The following DIP2A variants were observed in gnomAD, a reference collection of about 807,000 sequenced individuals.
DIP2A encodes disco-interacting protein 2 homolog A.
DIP2A carries 85 observed loss-of-function variants against 177.4 expected under a neutral mutation model. The observed-to-expected ratio is 0.48, with a 90% CI of 0.40 to 0.57. DIP2A has a LOEUF of 0.57. Among genes scored for constraint, DIP2A ranks in the 20% least tolerant of loss-of-function variants. The pLI, the probability that DIP2A is intolerant of heterozygous loss-of-function variation, is 0.00. For synonymous variants in DIP2A, 886 were observed against 881.8 expected (o/e 1.00, Z -0.08); for missense variants, 1,791 against 2,100.2 (o/e 0.85, Z 2.88).
chr21:46,548,897 G>A (rs1179366342), intron 21 of DIP2A, among the ~76,000 whole-genome samples: 1 of 152,244 alleles, frequency 6.6e-6, no homozygotes, highest in African/African-American at 2.4e-5. Flanking sequence ...CTTCCCCACA[G>A]TGGAACTGGC....
intron 1 of DIP2A, among the ~76,000 whole-genome samples, chr21:46,472,913 T>TG (rs1333725473): frequency 1.3e-5 from 2 of 152,218 alleles, no homozygotes; most frequent in Non-Finnish European, 2.9e-5. Flanking sequence ...GAAAGTTCTG[T>TG]GGTGTCCAGC....
At chr21:46,524,049 T>C (rs2058952287) in intron 8 of DIP2A, among the ~76,000 whole-genome samples, 1 of 152,226 alleles carries the variant, frequency 6.6e-6, no homozygotes, top group African/African-American at 2.4e-5. Flanking sequence ...AAGGGATCTT[T>C]TCCAGCTGTC....
the DIP2A span, among the ~76,000 whole-genome samples, chr21:46,582,777 T>G: frequency 6.6e-6 from 1 of 152,174 alleles, no homozygotes; most frequent in Non-Finnish European, 1.5e-5. Context: ...GCTGGTAATT[T>G]TTTTAACAAC....
intron 3 of DIP2A, among the ~76,000 whole-genome samples, chr21:46,495,576 T>C (rs1321608400): frequency 6.6e-6 from 1 of 152,042 alleles, no homozygotes; most frequent in Admixed American, 6.6e-5. Flanking sequence ...CCTCTCTCTC[T>C]CTTTCTTTTC....
Position 46,538,586 on chromosome 21 carries a change from C to T in DIP2A, c.1905C>T (p.Ala635=), listed in dbSNP as rs372346078. 1.1e-4 allele frequency: 170 copies of T among 1,555,648 alleles called. No homozygotes were observed. In the Middle Eastern group the frequency reaches 2.2e-3, roughly 20 times the overall value. The change falls in exon 16 of 38, where the codon GCC becomes GCT. Residue 635 remains alanine (A), a synonymous_variant. Transcript: ENST00000417564. ...GCTCACTGCGCATGCTGATTGTGGC[C>T]GATGGTGCCAACCCGTGTGAGTGAG... ...SLSSLRMLIV[A]DGANPWSISS...
chr21:46,575,753 A>G, the DIP2A span, among the ~76,000 whole-genome samples: 1 of 152,208 alleles, frequency 6.6e-6, no homozygotes, highest in Non-Finnish European at 1.5e-5. Flanking sequence ...GAACAATACA[A>G]AGAAATAAGT....
intron 1 of DIP2A, among the ~76,000 whole-genome samples, chr21:46,475,531 T>C (rs185987208): frequency 7.9e-5 from 12 of 152,374 alleles, no homozygotes; most frequent in Admixed American, 5.9e-4. Flanking sequence ...TGCAGTATAG[T>C]CAGCCACAGG....
intron 8 of DIP2A, among the ~76,000 whole-genome samples, chr21:46,516,023 G>A (rs1042813698): frequency 3.3e-5 from 5 of 152,096 alleles, no homozygotes; most frequent in African/African-American, 1.2e-4. Flanking sequence ...TATATTTCGT[G>A]GTGGTTTATC....
intron 13 of DIP2A, among the ~76,000 whole-genome samples, chr21:46,536,990 A>G (rs1328016778): frequency 5.9e-5 from 9 of 151,462 alleles, no homozygotes; most frequent in Non-Finnish European, 4.4e-5. Context: ...CCTTCTGATT[A>G]GTGCTCAGCG....
intron 7 of DIP2A, 109 bp from the exon 8 acceptor site, chr21:46,511,308 T>C: frequency 8.4e-7 from 1 of 1,186,504 alleles, no homozygotes; most frequent in Non-Finnish European, 1.2e-6. Context: ...TTGTAAGCTT[T>C]TTTATAGTTG....
At chr21:46,509,157 A>G in intron 6 of DIP2A, 100 bp from the exon 7 acceptor site, 1 of 1,305,410 alleles carries the variant, frequency 7.7e-7, no homozygotes, top group South Asian at 2.3e-5. Context: ...TGGATTTGTA[A>G]GCTCTGATGC....
intron 9 of DIP2A, among the ~76,000 whole-genome samples, chr21:46,531,552 C>T (rs1476674671): frequency 6.6e-6 from 1 of 152,180 alleles, no homozygotes; most frequent in Non-Finnish European, 1.5e-5. Flanking sequence ...AACATTCTTA[C>T]AAGGATAAAG....
chr21:46,560,403 A>G (rs545404806), intron 32 of DIP2A, among the ~76,000 whole-genome samples: 4 of 152,216 alleles, frequency 2.6e-5, no homozygotes, highest in Non-Finnish European at 5.9e-5. Flanking sequence ...CTCAAATCCT[A>G]ATGGTGTTTT....
intron 5 of DIP2A, among the ~76,000 whole-genome samples, chr21:46,502,228 T>G (rs2057690986): frequency 6.6e-6 from 1 of 152,072 alleles, no homozygotes; most frequent in African/African-American, 2.4e-5. Flanking sequence ...CTGGAACTTC[T>G]GGGCTCCAGT....
At chr21:46,532,772 G>A (rs1048453649) in intron 10 of DIP2A, among the ~76,000 whole-genome samples, 4 of 151,968 alleles carry the variant, frequency 2.6e-5, no homozygotes, top group Admixed American at 6.6e-5. Context: ...TTAATGTGGG[G>A]TCTTGCTGAT....
At chr21:46,582,906 T>G in the DIP2A span, among the ~76,000 whole-genome samples, 1 of 152,166 alleles carries the variant, frequency 6.6e-6, no homozygotes. Flanking sequence ...CATGAATGAA[T>G]TAAACAGTTT....
At chr21:46,465,634 G>T (rs752401550) in intron 1 of DIP2A, among the ~76,000 whole-genome samples, 32 of 152,000 alleles carry the variant, frequency 2.1e-4, no homozygotes, top group Middle Eastern at 3.2e-3. Flanking sequence ...TTGAGGCAGG[G>T]ACTCCAAGTG....
intron 8 of DIP2A, among the ~76,000 whole-genome samples, chr21:46,514,435 CAAA>C (rs201042541): frequency 1.5e-5 from 2 of 133,336 alleles, no homozygotes; most frequent in African/African-American, 2.9e-5. Flanking sequence ...GACTCCATCT[CAAA>C]AAAAAAAAAA....
chr21:46,554,852 C>T lies in DIP2A; in HGVS notation c.3307C>T (p.Gln1103Ter). The T allele has an allele frequency of 6.5e-7, 1 of 1,550,362 alleles. No individual in the cohort carries two copies. The highest frequency in any genetic ancestry group is 8.7e-7 in the Non-Finnish European group (1 of 1,147,378). Residue 1103 changes from glutamine to a stop codon, truncating the protein, a stop_gained, in exon 28 of 38, where the codon CAG becomes TAG. Transcript: ENST00000417564. LOFTEE classifies it high-confidence loss of function. ...CAAGTCTGCATGCGTCCTCACCACG[C>T]AGGCTGTCACACGGCTGCTCAGGTC... ...VSKSACVLTT[Q>*]AVTRLLRSKE...
Sources: allele counts gnomAD v4.1 joint callset (sites outside exome capture counted in the v4.1 genomes callset), GRCh38; gene constraint gnomAD v4.1.1; transcripts MANE v1.5; gene names NCBI Gene and HGNC (gene_info 2026-07-23, HGNC 2026-07-21).